GNAQ: variants seen among roughly 807,000 people sequenced by gnomAD.
GNAQ encodes the protein guanine nucleotide-binding protein G(q) subunit alpha.
Under a neutral mutation model 43.9 loss-of-function variants are expected in GNAQ, and 8 were observed. That is an observed-to-expected ratio of 0.18 (90% confidence interval 0.11 to 0.33). The LOEUF (loss-of-function observed/expected upper bound fraction) is 0.33. Ranked by LOEUF, GNAQ falls within the 10% of genes least tolerant of loss-of-function variation. The pLI is 1.00. For missense variants in GNAQ, 158 were observed against 450.8 expected, an observed-to-expected ratio of 0.35 and a Z score of 5.88; for synonymous variants, 155 against 170.7, an observed-to-expected ratio of 0.91 and a Z score of 0.71.
At chr9:78,014,460 G>T (rs1208959072) in intron 1 of GNAQ, among the ~76,000 whole-genome samples, 1 of 152,054 alleles carries the variant, frequency 6.6e-6, no homozygotes, top group African/African-American at 2.4e-5. Flanking sequence ...ACAAAAATTA[G>T]CTGGGTGTGG....
intron 1 of GNAQ, among the ~76,000 whole-genome samples, chr9:77,986,459 C>T (rs1823436876): frequency 6.6e-6 from 1 of 152,178 alleles, no homozygotes; most frequent in African/African-American, 2.4e-5. Flanking sequence ...GAGGTCTACC[C>T]TGGCTCCTCC....
intron 2 of GNAQ, among the ~76,000 whole-genome samples, chr9:77,877,589 G>A (rs1318464199): frequency 1.3e-5 from 2 of 152,090 alleles, no homozygotes; most frequent in African/African-American, 2.4e-5. Flanking sequence ...TTTATTTGAG[G>A]AGGAGTGTGA....
intron 5 of GNAQ, among the ~76,000 whole-genome samples, chr9:77,729,710 C>CCTCCCTTCTT (rs1564093181): frequency 6.6e-6 from 1 of 152,194 alleles, no homozygotes; most frequent in East Asian, 1.9e-4. Context: ...CACTTTCCAA[C>CCTCCCTTCTT]CTCCCTTCTT....
chr9:77,736,831 C>G (rs1289255717), intron 5 of GNAQ, among the ~76,000 whole-genome samples: 1 of 152,156 alleles, frequency 6.6e-6, no homozygotes, highest in South Asian at 2.1e-4. Flanking sequence ...CTAGAACTTA[C>G]AGAGGTAGGA....
At chr9:77,739,959 A>G (rs538165338) in intron 5 of GNAQ, among the ~76,000 whole-genome samples, 3 of 152,348 alleles carry the variant, frequency 2.0e-5, no homozygotes, top group Admixed American at 6.5e-5. Context: ...GATTTGATCT[A>G]GCTAATAAAC....
intron 5 of GNAQ, among the ~76,000 whole-genome samples, chr9:77,792,345 A>T (rs975687004): frequency 6.6e-6 from 1 of 152,170 alleles, no homozygotes; most frequent in African/African-American, 2.4e-5. Flanking sequence ...TCACCACAGG[A>T]ATCAAAGGAA....
At chr9:77,987,134 T>C (rs1276095046) in intron 1 of GNAQ, among the ~76,000 whole-genome samples, 2 of 152,166 alleles carry the variant, frequency 1.3e-5, no homozygotes, top group Non-Finnish European at 2.9e-5. Flanking sequence ...CCTGTCGTCA[T>C]GTTGTTGGGA....
intron 5 of GNAQ, among the ~76,000 whole-genome samples, chr9:77,792,943 G>A (rs1052751712): frequency 5.3e-5 from 8 of 152,066 alleles, no homozygotes; most frequent in Admixed American, 5.2e-4. Context: ...CTAGGGCAGA[G>A]TTGATTTTTT....
intron 3 of GNAQ, among the ~76,000 whole-genome samples, chr9:77,808,342 A>C (rs1826860942): frequency 6.6e-6 from 1 of 151,050 alleles, no homozygotes. Flanking sequence ...TTCACCGAGG[A>C]AGACAAATGC....
intron 1 of GNAQ, chr9:78,030,518 G>A: frequency 4.2e-6 from 2 of 470,894 alleles, no homozygotes; most frequent in South Asian, 1.6e-5. Flanking sequence ...TCCTCACCAT[G>A]AGTGCTCCGG....
At chr9:77,817,224 C>A (rs1254297213) in intron 2 of GNAQ, among the ~76,000 whole-genome samples, 3 of 152,288 alleles carry the variant, frequency 2.0e-5, no homozygotes, top group Admixed American at 2.0e-4. Context: ...ACTGGCTCCT[C>A]AATGAATCCC....
intron 1 of GNAQ, among the ~76,000 whole-genome samples, chr9:78,002,083 T>G (rs1255881249): frequency 6.6e-6 from 1 of 152,260 alleles, no homozygotes; most frequent in Non-Finnish European, 1.5e-5. Context: ...GCCATTTTTC[T>G]GTGATTTGCA....
At chr9:77,762,254 G>T (rs553953860) in intron 5 of GNAQ, among the ~76,000 whole-genome samples, 2 of 143,834 alleles carry the variant, frequency 1.4e-5, no homozygotes, top group African/African-American at 2.6e-5. Context: ...GAGGTTGGGG[G>T]GTCAGCCCCC....
intron 1 of GNAQ, among the ~76,000 whole-genome samples, chr9:77,963,327 C>T (rs148763271): frequency 1.1e-4 from 16 of 152,172 alleles, no homozygotes; most frequent in African/African-American, 2.4e-4. Flanking sequence ...TAGAAACAGT[C>T]GACACCACAG....
chr9:78,007,343 A>G (rs957635297), intron 1 of GNAQ, among the ~76,000 whole-genome samples: 3 of 152,006 alleles, frequency 2.0e-5, no homozygotes, highest in East Asian at 1.9e-4. Context: ...TTAGTTTTTA[A>G]TAAGTGATAT....
intron 2 of GNAQ, among the ~76,000 whole-genome samples, chr9:77,896,070 G>A (rs564557894): frequency 1.6e-4 from 25 of 152,222 alleles, no homozygotes; most frequent in Admixed American, 4.6e-4. Context: ...TTTGCATTTA[G>A]TTACAAAGTG....
chr9:77,990,610 T>C (rs1823496116), intron 1 of GNAQ, among the ~76,000 whole-genome samples: 1 of 152,208 alleles, frequency 6.6e-6, no homozygotes, highest in Non-Finnish European at 1.5e-5. Flanking sequence ...CCCTGTGGGG[T>C]GAATATGTGT....
chr9:77,860,490 G>T (rs1401154256), intron 2 of GNAQ, among the ~76,000 whole-genome samples: 1 of 152,110 alleles, frequency 6.6e-6, no homozygotes, highest in Non-Finnish European at 1.5e-5. Flanking sequence ...GATTGTTTGG[G>T]GATGAAACTG....
At chr9:77,964,011 T>C (rs1280365675) in intron 1 of GNAQ, among the ~76,000 whole-genome samples, 2 of 152,222 alleles carry the variant, frequency 1.3e-5, no homozygotes, top group African/African-American at 4.8e-5. Context: ...ACTACATGGC[T>C]AGTATCATTG....
Sources: gnomAD v4.1 joint callset for allele counts (sites outside exome capture counted in the v4.1 genomes callset) on GRCh38, gnomAD v4.1.1 for gene constraint, MANE v1.5 for transcripts, NCBI Gene and HGNC (gene_info 2026-07-23, HGNC 2026-07-21) for gene names.